The following NELL1 variants were observed in gnomAD, a reference collection of about 807,000 sequenced individuals.
NELL1 encodes neural EGFL like 1.
Under a neutral mutation model 107.4 loss-of-function variants are expected in NELL1, and 76 were observed. That is an observed-to-expected ratio of 0.71 (90% CI 0.59 to 0.86). The LOEUF is 0.86. Ranked by LOEUF, NELL1 falls within the 40% of genes least tolerant of loss-of-function variation. NELL1 has a pLI of 0.00. For missense variants in NELL1, 1,024 were observed against 1,005.5 expected (o/e 1.02, Z -0.25); for synonymous variants, 353 against 341.2 (o/e 1.03, Z -0.38).
At chr11:21,464,157 T>C (rs1232433118) in intron 15 of NELL1, among the ~76,000 whole-genome samples, 1 of 152,020 alleles carries the variant, frequency 6.6e-6, no homozygotes, top group Admixed American at 6.6e-5. Context: ...CTTCTAACCA[T>C]ATTTAAACGG....
At chr11:20,730,623 A>T (rs756169112) in intron 2 of NELL1, among the ~76,000 whole-genome samples, 15 of 152,172 alleles carry the variant, frequency 9.9e-5, no homozygotes, top group African/African-American at 1.4e-4. Flanking sequence ...TGGTTGGTCC[A>T]TTCCCCCAGC....
chr11:20,814,781 T>C (rs1857586982), intron 3 of NELL1, among the ~76,000 whole-genome samples: 1 of 152,202 alleles, frequency 6.6e-6, no homozygotes, highest in African/African-American at 2.4e-5. Context: ...TGTGTCTTTT[T>C]GTTAGAAAGA....
At chr11:20,798,266 T>A (rs1252974304) in intron 3 of NELL1, among the ~76,000 whole-genome samples, 1 of 152,214 alleles carries the variant, frequency 6.6e-6, no homozygotes, top group African/African-American at 2.4e-5. Context: ...GAAATGAAGC[T>A]GTTCAGATGA....
chr11:20,722,494 G>A (rs1334803162), intron 2 of NELL1, among the ~76,000 whole-genome samples: 2 of 152,184 alleles, frequency 1.3e-5, no homozygotes, highest in Non-Finnish European at 2.9e-5. Flanking sequence ...ATTTTGTAGG[G>A]TTATTACAGG....
chr11:21,498,048 A>G (rs1855030327), intron 15 of NELL1, among the ~76,000 whole-genome samples: 1 of 151,942 alleles, frequency 6.6e-6, no homozygotes, highest in Non-Finnish European at 1.5e-5. Context: ...TCAATGAAAT[A>G]ATACAGCCAG....
Position 21,082,205 on chromosome 11 carries a change from T to C in NELL1, c.1301-31384T>C, listed in dbSNP as rs562977192. Among the ~76,000 whole-genome samples the C allele has an allele frequency of 4.6e-5, 7 of 152,262 alleles. No homozygotes were observed. In the South Asian group the frequency reaches 1.4e-3, roughly 32 times the overall value. Reference sequence around the variant, plus strand: ...TTAGGACATGCTTGTTGGGGCTGCATCCTGAACTCCTAGAGGGCTCCATTC... The same window carrying C: ...TTAGGACATGCTTGTTGGGGCTGCACCCTGAACTCCTAGAGGGCTCCATTC... On this transcript the variant is annotated intron_variant, in intron 12 of 19. Coordinates refer to ENST00000357134, the MANE Select transcript of NELL1 (RefSeq NM_006157.5).
intron 13 of NELL1, among the ~76,000 whole-genome samples, chr11:21,173,141 C>T (rs1856641730): frequency 6.6e-6 from 1 of 151,734 alleles, no homozygotes; most frequent in East Asian, 1.9e-4. Flanking sequence ...TTTGATTTAC[C>T]TACAACTTCT....
chr11:20,954,308 C>T (rs1265511078), intron 11 of NELL1, among the ~76,000 whole-genome samples: 1 of 152,176 alleles, frequency 6.6e-6, no homozygotes, highest in East Asian at 1.9e-4. Flanking sequence ...TCCAAACTTA[C>T]TCCTTGTTCT....
chr11:21,561,128 G>T (rs1856841782), intron 17 of NELL1, among the ~76,000 whole-genome samples: 1 of 152,030 alleles, frequency 6.6e-6, no homozygotes, highest in African/African-American at 2.4e-5. Flanking sequence ...GTATGTCTAT[G>T]TCTGTTGGGA....
At chr11:21,353,243 C>G (rs1440342630) in intron 14 of NELL1, among the ~76,000 whole-genome samples, 5 of 152,130 alleles carry the variant, frequency 3.3e-5, no homozygotes, top group African/African-American at 1.2e-4. Flanking sequence ...TTGGATAAGG[C>G]TATAGAACTT....
At chr11:20,994,878 A>G (rs1456280907) in intron 12 of NELL1, among the ~76,000 whole-genome samples, 1 of 152,208 alleles carries the variant, frequency 6.6e-6, no homozygotes, top group African/African-American at 2.4e-5. Flanking sequence ...AATGTCATAA[A>G]TAATTATTGT....
In NELL1 at chr11:21,522,361, A is replaced by G. The variant is rs576128243; in HGVS notation, c.1646-12013A>G. On this transcript the variant is annotated intron_variant, in intron 15 of 19. Coordinates refer to ENST00000357134, the MANE Select transcript of NELL1 (RefSeq NM_006157.5). ...TAGATAAAGAAAATGTGTTAGATAT[A>G]CACAATGGAATGCTATTTAGCCGTA... Among the ~76,000 whole-genome samples, 8 of 152,374 alleles carry G rather than the reference A, an allele frequency of 5.3e-5. No homozygotes were observed. The South Asian group carries it at 1.7e-3, about 32-fold the overall frequency.
chr11:21,140,969 T>C (rs995289006), intron 13 of NELL1, among the ~76,000 whole-genome samples: 20 of 152,184 alleles, frequency 1.3e-4, no homozygotes, highest in African/African-American at 4.3e-4. Flanking sequence ...GGAAAATACC[T>C]GAATGATTAT....
chr11:21,517,871 G>A (rs976406482), intron 15 of NELL1, among the ~76,000 whole-genome samples: 11 of 152,022 alleles, frequency 7.2e-5, no homozygotes, highest in Non-Finnish European at 1.3e-4. Context: ...AAATGATTCA[G>A]TCCCTTTGTT....
intron 3 of NELL1, among the ~76,000 whole-genome samples, chr11:20,815,491 C>G (rs1857604892): frequency 1.3e-5 from 2 of 152,126 alleles, no homozygotes; most frequent in African/African-American, 2.4e-5. Context: ...GTCCTTTGCC[C>G]ATTTCTTAAA....
In NELL1 at chr11:21,496,405, C is replaced by CTTTTTTTTTTTTTTTTTTTT. The variant is rs1206711700; in HGVS notation, c.1646-37967_1646-37966insTTTTTTTTTTTTTTTTTTTT. Among the ~76,000 whole-genome samples, 4 of 141,280 alleles carry CTTTTTTTTTTTTTTTTTTTT rather than the reference C, an allele frequency of 2.8e-5. No homozygotes were observed. The East Asian group carries it at 6.5e-4, about 23-fold the overall frequency. 92.7% of individuals were successfully genotyped at this position (141,280 alleles called of 152,430 possible). Reference sequence around the variant, plus strand: ...AATTTAAACATATTTTTATTCTTCTCTTGTTTTTTTTTTTTTTTTTCTTGA... The same window carrying CTTTTTTTTTTTTTTTTTTTT: ...AATTTAAACATATTTTTATTCTTCTCTTTTTTTTTTTTTTTTTTTTTTGTTTTTTTTTTTTTTTTTCTTGA... On this transcript the variant is annotated intron_variant, in intron 15 of 19. Transcript: ENST00000357134.
chr11:20,731,939 T>C (rs1224106706), intron 2 of NELL1, among the ~76,000 whole-genome samples: 4 of 152,148 alleles, frequency 2.6e-5, no homozygotes, highest in Non-Finnish European at 5.9e-5. Context: ...ACTCTCTGAG[T>C]AAAAGACTTC....
intron 13 of NELL1, among the ~76,000 whole-genome samples, chr11:21,182,234 G>C (rs1856843040): frequency 6.6e-6 from 1 of 151,754 alleles, no homozygotes; most frequent in Admixed American, 6.5e-5. Context: ...ATGAGTTCGA[G>C]AGCAGCCTGG....
intron 2 of NELL1, among the ~76,000 whole-genome samples, chr11:20,706,684 A>T (rs1265986397): frequency 2.0e-5 from 3 of 152,128 alleles, no homozygotes; most frequent in Non-Finnish European, 4.4e-5. Context: ...AATAAAAAAA[A>T]AAGGAATGTT....
Sources: allele counts gnomAD v4.1 joint callset (sites outside exome capture counted in the v4.1 genomes callset), GRCh38; gene constraint gnomAD v4.1.1; transcripts MANE v1.5; gene names NCBI Gene and HGNC (gene_info 2026-07-23, HGNC 2026-07-21).